Variants in CAMTA1 observed in about 807,000 individuals in gnomAD.
CAMTA1 encodes calmodulin-binding transcription activator 1.
Under a neutral mutation model 170.9 loss-of-function variants are expected in CAMTA1, and 27 were observed. The observed-to-expected ratio is 0.16, with a 90% CI of 0.12 to 0.22. The LOEUF (loss-of-function observed/expected upper bound fraction) is 0.22. Ranked by LOEUF, CAMTA1 falls within the 10% of genes least tolerant of loss-of-function variation. CAMTA1 has a pLI of 1.00. For missense variants in CAMTA1, 1,619 were observed against 2,217.2 expected, an observed-to-expected ratio of 0.73 and a Z score of 5.42; for synonymous variants, 833 against 891.5, an observed-to-expected ratio of 0.93 and a Z score of 1.17.
Position 7,677,099 on chromosome 1 carries a change from G to A in CAMTA1, c.2780-500G>A, listed in dbSNP as rs575948619. On this transcript the variant is annotated intron_variant, in intron 10 of 22. Transcript: ENST00000303635. ...GAGGCACATCTGAAGCTCCTTCATC[G>A]GGGAAGCAGAAGAACTAAAAATACA... is the stretch of plus-strand genomic sequence containing the variant. 1.8e-4 allele frequency among the ~76,000 whole-genome samples: 27 copies of A among 152,260 alleles called. No homozygotes were observed. In the South Asian group the frequency reaches 3.9e-3, roughly 22 times the overall value.
In CAMTA1 at chr1:7,113,687, A is replaced by G. The variant is rs1271507828; in HGVS notation, c.302+22316A>G. On this transcript the variant is annotated intron_variant, in intron 4 of 22. Coordinates refer to ENST00000303635, the MANE Select transcript of CAMTA1 (RefSeq NM_015215.4). This position sits in a 1 kb window ranked among gnomAD's most constrained non-coding sequence, Gnocchi z 4.5. ...TTTGTCCAAGAGGTGAGATATGCAAAAATAACCTTTAAGTTTCCCATAATT... is the reference window on the plus strand; with the variant it reads ...TTTGTCCAAGAGGTGAGATATGCAAGAATAACCTTTAAGTTTCCCATAATT... Among the ~76,000 whole-genome samples, 2 of 152,250 alleles carry G rather than the reference A, an allele frequency of 1.3e-5. No homozygotes were observed. The highest frequency in any genetic ancestry group is 6.5e-5 in the Admixed American group (1 of 15,290).
chr1:7,311,060 T>C (rs1316166614), intron 5 of CAMTA1, among the ~76,000 whole-genome samples: 1 of 152,194 alleles, frequency 6.6e-6, no homozygotes, highest in East Asian at 1.9e-4. Context: ...GTCTTTAGTT[T>C]TCAGTTTGAT....
Position 7,681,683 on chromosome 1 carries a change from C to T in CAMTA1, c.2914+3950C>T, listed in dbSNP as rs2096207106. ...GATCTCTGGGAAATGTCACTTATAC[C>T]TGTGATAGGTCCTATGGATACAACA... On this transcript the variant is annotated intron_variant, in intron 11 of 22. Transcript: ENST00000303635. This position sits in a 1 kb window ranked among gnomAD's most constrained non-coding sequence, Gnocchi z 4.6. 6.6e-6 allele frequency among the ~76,000 whole-genome samples: 1 copy of T among 152,198 alleles called. No individual in the cohort carries two copies. The highest frequency in any genetic ancestry group is 2.4e-5 in the African/African-American group (1 of 41,446).
chr1:7,752,427 T>A, intron 20 of CAMTA1, 32 bp from the exon 21 acceptor site: 2 of 1,599,654 alleles, frequency 1.3e-6, no homozygotes, highest in Admixed American at 1.7e-5. Context: ...TACTGTAACC[T>A]TCTTGTGACA....
At chr1:6,880,313 G>T (rs1671145575) in intron 3 of CAMTA1, among the ~76,000 whole-genome samples, 1 of 148,004 alleles carries the variant, frequency 6.8e-6, no homozygotes, top group African/African-American at 2.5e-5. Flanking sequence ...GGCCTCAAAT[G>T]ATCCTCCTGT....
chr1:7,699,560 T>C (rs1576990477), intron 11 of CAMTA1, among the ~76,000 whole-genome samples: 1 of 152,238 alleles, frequency 6.6e-6, no homozygotes, highest in East Asian at 1.9e-4. Context: ...GGTCACATCA[T>C]AACTTTATAA....
At chr1:7,001,061 T>G (rs1212613549) in intron 3 of CAMTA1, among the ~76,000 whole-genome samples, 2 of 152,248 alleles carry the variant, frequency 1.3e-5, no homozygotes, top group Non-Finnish European at 2.9e-5. Context: ...TCTTTAGTTT[T>G]AAGGCCATGA....
chr1:6,900,189 G>A (rs1676628816), intron 3 of CAMTA1, among the ~76,000 whole-genome samples: 1 of 152,144 alleles, frequency 6.6e-6, no homozygotes, highest in African/African-American at 2.4e-5. Flanking sequence ...TGGTACATTG[G>A]TAGTCATCAG....
chr1:7,055,878 G>T (rs141818996), intron 3 of CAMTA1, among the ~76,000 whole-genome samples: 100 of 152,324 alleles, frequency 6.6e-4, no homozygotes, highest in African/African-American at 2.2e-3. Flanking sequence ...TTGGTCAGAG[G>T]TGCCCTTCTG....
At chr1:7,294,435 G>A (rs1673624318) in intron 5 of CAMTA1, among the ~76,000 whole-genome samples, 1 of 152,226 alleles carries the variant, frequency 6.6e-6, no homozygotes, top group Admixed American at 6.5e-5. Context: ...GATGGAAGGT[G>A]TCTGCAAGAC....
At chr1:7,460,666 A>T (rs545109483) in intron 5 of CAMTA1, among the ~76,000 whole-genome samples, 8 of 151,166 alleles carry the variant, frequency 5.3e-5, no homozygotes, top group Non-Finnish European at 1.2e-4. Flanking sequence ...TGAGGATAGC[A>T]TTAAACCCTC....
Position 7,426,073 on chromosome 1 carries a change from C to A in CAMTA1, c.439-41757C>A, listed in dbSNP as rs893172943. ...CCTGGAAAAGGTGGCAGGGTAGGGGCCTCCTGGCATCTGCAGGGCTCCTCC... is the reference window on the plus strand; with the variant it reads ...CCTGGAAAAGGTGGCAGGGTAGGGGACTCCTGGCATCTGCAGGGCTCCTCC... On this transcript the variant is annotated intron_variant, in intron 5 of 22. Transcript: ENST00000303635. The surrounding 1 kb of genome is among the most constrained non-coding windows in gnomAD (Gnocchi z 4.8). 2.0e-5 allele frequency among the ~76,000 whole-genome samples: 3 copies of A among 152,192 alleles called. No homozygotes were observed. Among genetic ancestry groups the A allele is most frequent in the Admixed American group, 2.0e-4 (3 of 15,278 alleles).
intron 5 of CAMTA1, among the ~76,000 whole-genome samples, chr1:7,373,156 G>T (rs1444486209): frequency 1.3e-5 from 2 of 152,170 alleles, no homozygotes; most frequent in Admixed American, 6.5e-5. Flanking sequence ...TCTTGGTTGT[G>T]GGGGGCTGTC....
intron 6 of CAMTA1, among the ~76,000 whole-genome samples, chr1:7,638,831 C>A (rs1316447560): frequency 6.6e-6 from 1 of 152,084 alleles, no homozygotes; most frequent in Non-Finnish European, 1.5e-5. Flanking sequence ...CACCGAAGGC[C>A]CCATGCTCAT....
At chr1:7,490,131 T>C (rs548560325) in intron 6 of CAMTA1, among the ~76,000 whole-genome samples, 9 of 152,290 alleles carry the variant, frequency 5.9e-5, no homozygotes, top group African/African-American at 2.2e-4. Flanking sequence ...CAGAGTACGA[T>C]AGGAGCAAAT....
At chr1:7,573,829 A>C (rs528497354) in intron 6 of CAMTA1, among the ~76,000 whole-genome samples, 2 of 152,216 alleles carry the variant, frequency 1.3e-5, no homozygotes, top group South Asian at 4.1e-4. Flanking sequence ...GCTGGAGTGC[A>C]GTGGCGCCAT....
chr1:7,315,718 C>G (rs1213666352), intron 5 of CAMTA1, among the ~76,000 whole-genome samples: 1 of 152,190 alleles, frequency 6.6e-6, no homozygotes, highest in African/African-American at 2.4e-5. Flanking sequence ...AGGGCAGGCT[C>G]CCTCGTAGCC....
rs4908584 is a variant in CAMTA1, at chr1:7,007,020, A to T, written c.235-84284A>T. ...AGATGGTAGTAAAAAAAAAAAAAAAAAATAAGAATTTTTGGATACGGTATT... is the reference window on the plus strand; with the variant it reads ...AGATGGTAGTAAAAAAAAAAAAAAATAATAAGAATTTTTGGATACGGTATT... On this transcript the variant is annotated intron_variant, in intron 3 of 22. Coordinates refer to ENST00000303635, the MANE Select transcript of CAMTA1 (RefSeq NM_015215.4). The surrounding 1 kb of genome is among the most constrained non-coding windows in gnomAD (Gnocchi z 4.5). Among the ~76,000 whole-genome samples, 20 of 150,450 alleles carry T rather than the reference A, an allele frequency of 1.3e-4. No individual in the cohort carries two copies. Among genetic ancestry groups the T allele is most frequent in the East Asian group, 3.9e-4 (2 of 5,142 alleles).
At chr1:6,820,336 T>C in intron 2 of CAMTA1, 86 bp downstream of exon 2, 1 of 1,386,696 alleles carries the variant, frequency 7.2e-7, no homozygotes, top group Admixed American at 1.8e-5. Context: ...GGAAACAGCC[T>C]TCAGCCCGGA....
Sources: gnomAD v4.1 joint callset for allele counts (sites outside exome capture counted in the v4.1 genomes callset) on GRCh38, gnomAD v4.1.1 for gene constraint, Gnocchi (gnomAD v3.1) non-coding constraint, MANE v1.5 for transcripts, NCBI Gene and HGNC (gene_info 2026-07-23, HGNC 2026-07-21) for gene names.